UNC45A: variants seen among roughly 807,000 people sequenced by gnomAD.
UNC45A encodes the protein unc-45 myosin chaperone A, also known as protein unc-45 homolog A.
Under a neutral mutation model 103.2 loss-of-function variants are expected in UNC45A, and 78 were observed. The observed-to-expected ratio is 0.76, with a 90% CI of 0.63 to 0.91. The LOEUF (loss-of-function observed/expected upper bound fraction) is 0.91. Among genes scored for constraint, UNC45A ranks in the 40% least tolerant of loss-of-function variants. UNC45A has a pLI of 0.00. For synonymous variants in UNC45A, 495 were observed against 504.6 expected, an observed-to-expected ratio of 0.98 and a Z score of 0.25; for missense variants, 1,193 against 1,224.8, an observed-to-expected ratio of 0.97 and a Z score of 0.39.
In UNC45A at chr15:90,945,000, T is replaced by C. The variant is rs761302619; in HGVS notation, c.1136T>C (p.Phe379Ser). 1.2e-6 allele frequency: 2 copies of C among 1,612,956 alleles called. No homozygotes were observed. The highest frequency in any genetic ancestry group is 1.3e-5 in the African/African-American group (1 of 74,888). Residue 379 changes from phenylalanine to serine, a missense_variant, in exon 9 of 20, where the codon TTT (phenylalanine) becomes TCT (serine). Physicochemically the swap from Phe to Ser is radical, Grantham distance 155. Transcript: ENST00000418476. ...MSASILLSKL[F>S]DDLKCDAERE... Reference sequence around the variant, plus strand: ...GCCTCTATTCTCCTCAGCAAGCTCTTTGATGACCTCAAGTGTGATGCGGAG... The same window carrying C: ...GCCTCTATTCTCCTCAGCAAGCTCTCTGATGACCTCAAGTGTGATGCGGAG...
At chr15:90,952,901 CCTG>C in intron 17 of UNC45A, 25 bp from the exon 18 acceptor site, 1 of 1,597,152 alleles carries the variant, frequency 6.3e-7, no homozygotes, top group Non-Finnish European at 8.6e-7. Flanking sequence ...AAACCGTATC[CCTG>C]CTGCTTCCTC....
At position 90,953,195 on chromosome 15, in the gene UNC45A, A is replaced by C; in HGVS notation, c.2462A>C (p.Lys821Thr). Reference sequence around the variant, plus strand: ...GAAGCCCAGGGCAATGACCGACTGAAGCTGCTGGTGCTGTACAGTGGAGAG... The same window carrying C: ...GAAGCCCAGGGCAATGACCGACTGACGCTGCTGGTGCTGTACAGTGGAGAG... ...LFEAQGNDRL[K>T]LLVLYSGEDD... The change falls in exon 19 of 20, where the codon AAG (lysine) becomes ACG (threonine). Residue 821 changes from lysine to threonine, a missense_variant. Coordinates refer to ENST00000418476, the MANE Select transcript of UNC45A (RefSeq NM_018671.5). 6.2e-7 allele frequency: 1 copy of C among 1,613,936 alleles called. No homozygotes were observed. The highest frequency in any genetic ancestry group is 8.5e-7 in the Non-Finnish European group (1 of 1,180,004).
intron 13 of UNC45A, 31 bp from the exon 14 acceptor site, chr15:90,949,285 G>A: frequency 5.6e-6 from 9 of 1,604,926 alleles, no homozygotes; most frequent in Non-Finnish European, 7.6e-6. Context: ...AGTCAGCCTA[G>A]GCCCCTCTCC....
At chr15:90,950,340 C>G in intron 16 of UNC45A, 73 bp downstream of exon 16, 2 of 1,511,882 alleles carry the variant, frequency 1.3e-6, no homozygotes, top group Non-Finnish European at 1.8e-6. Context: ...TGTAGCTCCC[C>G]TTTGGGACCA....
chr15:90,938,536 G>A (rs2036129484), intron 4 of UNC45A, among the ~76,000 whole-genome samples: 1 of 152,082 alleles, frequency 6.6e-6, no homozygotes, highest in Non-Finnish European at 1.5e-5. Flanking sequence ...TGCCATGACT[G>A]GTTAGTCATG....
rs568138440 is a variant in UNC45A at position 90,936,458 on chromosome 15, A to C, written c.424A>C (p.Lys142Gln). The C allele has an allele frequency of 3.7e-6, 6 of 1,613,904 alleles. No homozygotes were observed. The highest frequency in any genetic ancestry group is 4.2e-6 in the Non-Finnish European group (5 of 1,179,892). The part of the protein sequence containing the change: ...LRNIGGQIQE[K>Q]VRYMSSTDAK... ...GAACATCGGGGGCCAGATTCAGGAGAAGGTATGTGAGTGACCCAGAGAGGT... is the reference window on the plus strand; with the variant it reads ...GAACATCGGGGGCCAGATTCAGGAGCAGGTATGTGAGTGACCCAGAGAGGT... Residue 142 changes from lysine (K) to glutamine (Q), a missense_variant and splice_region_variant, in exon 4 of 20, where the codon AAG (lysine) becomes CAG (glutamine). Coordinates refer to ENST00000418476, the MANE Select transcript of UNC45A (RefSeq NM_018671.5).
At chr15:90,941,218 C>T (rs1322610240) in intron 6 of UNC45A, among the ~76,000 whole-genome samples, 1 of 152,154 alleles carries the variant, frequency 6.6e-6, no homozygotes, top group Non-Finnish European at 1.5e-5. Flanking sequence ...CATCTACCAT[C>T]GAGACAGTGA....
chr15:90,944,238 T>G (rs1352514371), intron 8 of UNC45A, among the ~76,000 whole-genome samples: 1 of 151,878 alleles, frequency 6.6e-6, no homozygotes, highest in Non-Finnish European at 1.5e-5. Flanking sequence ...ATACAAAAAA[T>G]TAGCCAGGCA....
upstream of UNC45A, chr15:90,933,282 G>A (rs2035869062): frequency 2.6e-5 from 4 of 152,378 alleles, no homozygotes; most frequent in Non-Finnish European, 1.5e-5. Flanking sequence ...GTGGGCCCCT[G>A]GGGTGATGAG....
rs369110874 is a variant in UNC45A at position 90,948,805 on chromosome 15, G to A, written c.1878+11G>A. On this transcript the variant is annotated intron_variant, in intron 13 of 19. Coordinates refer to ENST00000418476, the MANE Select transcript of UNC45A (RefSeq NM_018671.5). ...GAGCAGCACCCCAAGGTGAGGGGCC[G>A]CCAGAGGGGCTAGAGGGTTCCCCAC... 15 of 1,590,924 alleles carry A rather than the reference G, an allele frequency of 9.4e-6. No homozygotes were observed. The highest frequency in any genetic ancestry group is 4.6e-5 in the East Asian group (2 of 43,912).
upstream of UNC45A, chr15:90,934,118 C>T (rs1185521737): frequency 5.0e-6 from 2 of 399,040 alleles, no homozygotes; most frequent in Non-Finnish European, 8.8e-6. Flanking sequence ...GCTGGGTGAC[C>T]CTTGTCCAGC....
intron 3 of UNC45A, 66 bp downstream of exon 3, chr15:90,936,048 C>T: frequency 6.2e-7 from 1 of 1,604,130 alleles, no homozygotes; most frequent in African/African-American, 1.3e-5. Flanking sequence ...ACTCTGGGAC[C>T]GCTGCACCGT....
upstream of UNC45A, chr15:90,931,756 C>A (rs2035801412): frequency 6.2e-7 from 1 of 1,614,084 alleles, no homozygotes; most frequent in South Asian, 1.1e-5. Flanking sequence ...TGTCTGCCAG[C>A]TTCACCAGTT....
Position 90,936,433 on chromosome 15 carries a change from G to A in UNC45A, c.399G>A (p.Arg133=), listed in dbSNP as rs780550451. 1 of 1,614,190 alleles carries A rather than the reference G, an allele frequency of 6.2e-7. No homozygotes were observed. Among genetic ancestry groups the A allele is most frequent in the African/African-American group, 1.3e-5 (1 of 75,046 alleles). ...PKNKVFQEAL[R]NIGGQIQEKV... is the part of the protein sequence containing the mutation. The stretch of plus-strand genomic sequence containing the variant: ...ACAAAGTTTTCCAGGAGGCCTTGCG[G>A]AACATCGGGGGCCAGATTCAGGAGA... Residue 133 remains arginine, a synonymous_variant, in exon 4 of 20, where the codon CGG becomes CGA. Coordinates refer to ENST00000418476, the MANE Select transcript of UNC45A (RefSeq NM_018671.5).
chr15:90,932,243 C>T, upstream of UNC45A: 3 of 998,610 alleles, frequency 3.0e-6, no homozygotes, highest in Non-Finnish European at 4.3e-6. Flanking sequence ...GTACCTTACC[C>T]TCTGGGAGCC....
chr15:90,943,192 G>C (rs1363102409), intron 8 of UNC45A, 110 bp downstream of exon 8: 7 of 1,318,892 alleles, frequency 5.3e-6, no homozygotes, highest in Non-Finnish European at 6.1e-6. Flanking sequence ...GACACACTTT[G>C]AGAGGCAGGG....
intron 11 of UNC45A, 24 bp from the exon 12 acceptor site, chr15:90,948,118 G>A (rs190109093): frequency 1.4e-5 from 23 of 1,613,032 alleles, no homozygotes; most frequent in African/African-American, 5.3e-5. Flanking sequence ...CCTGAGGGTC[G>A]TCCACTATCC....
chr15:90,940,723 G>C, intron 6 of UNC45A: 1 of 262,430 alleles, frequency 3.8e-6, no homozygotes, highest in South Asian at 8.2e-5. Flanking sequence ...GACCAGCCTG[G>C]CCAACAAGGC....
At position 90,946,903 on chromosome 15, in the gene UNC45A, C is replaced by T. The variant is rs200645156; in HGVS notation, c.1489C>T (p.Arg497Trp). 38 of 935,552 alleles carry T rather than the reference C, an allele frequency of 4.1e-5. No individual in the cohort carries two copies. The highest frequency in any genetic ancestry group is 1.7e-4 in the East Asian group (4 of 22,968). The allele number at this position is 935,552 out of a possible 1,614,324, so 58.0% of individuals were successfully genotyped here. The change falls in exon 10 of 20, where the codon CGG becomes TGG. Residue 497 changes from arginine to tryptophan, a missense_variant. Coordinates refer to ENST00000418476, the MANE Select transcript of UNC45A (RefSeq NM_018671.5). Reference sequence around the variant, plus strand: ...CAGCGAGAAGGACAGCATCCGCATCCGGGCGCTAGTGGTGAGACGGTGGGC... The same window carrying T: ...CAGCGAGAAGGACAGCATCCGCATCTGGGCGCTAGTGGTGAGACGGTGGGC... ...KCSEKDSIRI[R>W]ALVGLCKLGS...
Sources: gnomAD v4.1 joint callset for allele counts (sites outside exome capture counted in the v4.1 genomes callset) on GRCh38, gnomAD v4.1.1 for gene constraint, MANE v1.5 for transcripts, NCBI Gene and HGNC (gene_info 2026-07-23, HGNC 2026-07-21) for gene names.